Variants in OPHN1 observed in about 807,000 individuals in gnomAD.
The protein encoded by OPHN1 is oligophrenin-1.
Under a neutral mutation model 60.7 loss-of-function variants are expected in OPHN1, and 11 were observed. That is an observed-to-expected ratio of 0.18 (90% CI 0.11 to 0.30). The LOEUF (loss-of-function observed/expected upper bound fraction) is 0.30, where lower values mean the gene tolerates loss of function less well. Among genes scored for constraint, OPHN1 ranks in the 10% least tolerant of loss-of-function variants. OPHN1 has a pLI of 1.00. For synonymous variants in OPHN1, 226 were observed against 222.6 expected, an observed-to-expected ratio of 1.02 and a Z score of -0.14; for missense variants, 449 against 611.0, an observed-to-expected ratio of 0.73 and a Z score of 2.80.
At chrX:68,152,992 C>T (rs1444829111) in intron 15 of OPHN1, among the ~76,000 whole-genome samples, 1 of 109,037 alleles carries the variant, frequency 9.2e-6, no homozygotes. Flanking sequence ...AGGTGGATCA[C>T]GTGAGGTCAG....
At chrX:68,287,700 AG>A (rs779385801) in intron 3 of OPHN1, among the ~76,000 whole-genome samples, 1 of 112,197 alleles carries the variant, frequency 8.9e-6, no homozygotes, top group South Asian at 3.7e-4. Flanking sequence ...ATGGAACTGC[AG>A]AAAGGAATAG....
intron 20 of OPHN1, among the ~76,000 whole-genome samples, chrX:68,064,710 C>A (rs1393099286): frequency 8.9e-6 from 1 of 111,921 alleles, no homozygotes; most frequent in Admixed American, 9.5e-5. Flanking sequence ...TTCAGTGGTT[C>A]TGAGACTTAC....
chrX:68,251,167 C>T (rs2077831995), intron 5 of OPHN1, among the ~76,000 whole-genome samples: 1 of 106,053 alleles, frequency 9.4e-6, no homozygotes, highest in Non-Finnish European at 1.9e-5. Flanking sequence ...TCTCCCAACA[C>T]CCCTCCTCAA....
At chrX:68,142,528 A>G (rs768431209) in intron 15 of OPHN1, among the ~76,000 whole-genome samples, 103 of 112,107 alleles carry the variant, frequency 9.2e-4, no homozygotes, top group South Asian at 4.5e-3. Flanking sequence ...GTGACGAAGT[A>G]CCAGTTATTA....
chrX:68,177,607 C>T (rs141105696), intron 15 of OPHN1, among the ~76,000 whole-genome samples: 237 of 111,110 alleles, frequency 2.1e-3, no homozygotes, highest in African/African-American at 7.3e-3. Context: ...AACATCTGCT[C>T]GGTTTCTGGG....
chrX:68,245,954 G>A (rs994554831), intron 5 of OPHN1, among the ~76,000 whole-genome samples: 3 of 111,252 alleles, frequency 2.7e-5, no homozygotes, highest in Non-Finnish European at 5.7e-5. Context: ...CAGGTGCAAT[G>A]CCACCAGGCC....
intron 6 of OPHN1, among the ~76,000 whole-genome samples, chrX:68,233,085 T>G (rs185268378): frequency 9.8e-4 from 109 of 111,075 alleles, no homozygotes; most frequent in African/African-American, 3.4e-3. Context: ...TGTGCCACTA[T>G]GCCCGGTTAA....
intron 5 of OPHN1, among the ~76,000 whole-genome samples, chrX:68,254,345 T>C (rs1398181012): frequency 1.8e-5 from 2 of 111,561 alleles, no homozygotes; most frequent in Non-Finnish European, 3.8e-5. Flanking sequence ...ATTATTATAT[T>C]AAAGTACTAT....
At chrX:68,053,940 C>A (rs2076862544) in intron 21 of OPHN1, 130 bp from the exon 22 acceptor site, 5 of 591,751 alleles carry the variant, frequency 8.4e-6, no homozygotes, top group Non-Finnish European at 1.0e-5. Context: ...TGACTAACAA[C>A]TCTGGCTATT....
intron 15 of OPHN1, among the ~76,000 whole-genome samples, chrX:68,184,059 G>C (rs746547391): frequency 1.8e-5 from 2 of 111,729 alleles, no homozygotes; most frequent in East Asian, 2.8e-4. Context: ...TGAGTCGGAG[G>C]GGGGAGGGAT....
At chrX:68,183,688 C>G (rs1431556465) in intron 15 of OPHN1, among the ~76,000 whole-genome samples, 1 of 112,074 alleles carries the variant, frequency 8.9e-6, no homozygotes, top group Non-Finnish European at 1.9e-5. Context: ...TAAAAAATTA[C>G]TATTCTTTGT....
At chrX:68,148,769 A>C (rs2077273767) in intron 15 of OPHN1, among the ~76,000 whole-genome samples, 1 of 111,007 alleles carries the variant, frequency 9.0e-6, no homozygotes, top group African/African-American at 3.3e-5. Flanking sequence ...ATATCTTCAG[A>C]TATCCAGGGC....
chrX:68,166,511 G>C (rs990949015), intron 15 of OPHN1, among the ~76,000 whole-genome samples: 1 of 111,321 alleles, frequency 9.0e-6, no homozygotes, highest in Non-Finnish European at 1.9e-5. Flanking sequence ...TCCAGCCTGG[G>C]CAACAAAAGC....
At chrX:68,196,262 T>C (rs907512787) in intron 12 of OPHN1, among the ~76,000 whole-genome samples, 9 of 112,497 alleles carry the variant, frequency 8.0e-5, no homozygotes, top group Non-Finnish European at 1.3e-4. Context: ...GAAATAAGAC[T>C]GTATCTGAAC....
At chrX:68,226,074 A>G (rs1343633889) in intron 6 of OPHN1, among the ~76,000 whole-genome samples, 14 of 112,172 alleles carry the variant, frequency 1.2e-4, no homozygotes, top group Non-Finnish European at 1.3e-4. Flanking sequence ...TGAGAACTAC[A>G]TGACACATGC....
intron 6 of OPHN1, among the ~76,000 whole-genome samples, chrX:68,215,049 TATG>T (rs1319783649): frequency 9.0e-6 from 1 of 111,227 alleles, no homozygotes; most frequent in African/African-American, 3.3e-5. Context: ...TTATAATTAA[TATG>T]ATAAGGGCTC....
chrX:68,241,735 C>T (rs1046318161), intron 5 of OPHN1, among the ~76,000 whole-genome samples: 2 of 111,090 alleles, frequency 1.8e-5, no homozygotes, highest in African/African-American at 6.5e-5. Context: ...GCCCGGCCAA[C>T]ATGGTGAAAC....
chrX:68,223,988 A>G (rs2077676799), intron 6 of OPHN1, among the ~76,000 whole-genome samples: 1 of 111,731 alleles, frequency 9.0e-6, no homozygotes, highest in Admixed American at 9.6e-5. Flanking sequence ...AAGGAGAGAC[A>G]CACCTACTAT....
chrX:68,283,489 C>T (rs768749692), intron 3 of OPHN1, among the ~76,000 whole-genome samples: 34 of 111,222 alleles, frequency 3.1e-4, no homozygotes, highest in Middle Eastern at 4.2e-3. Flanking sequence ...CCACTACTGA[C>T]CAACCAGAGA....
Sources: allele counts gnomAD v4.1 joint callset (sites outside exome capture counted in the v4.1 genomes callset), GRCh38; gene constraint gnomAD v4.1.1; transcripts MANE v1.5; gene names NCBI Gene and HGNC (gene_info 2026-07-23, HGNC 2026-07-21).